The following TSNARE1 variants were observed in gnomAD, a reference collection of about 807,000 sequenced individuals.
TSNARE1 encodes the protein t-SNARE domain-containing protein 1.
In TSNARE1, 49 loss-of-function variants were observed where a neutral mutation model predicts 62.0. The ratio of observed to expected loss-of-function variants is 0.79; its 90% CI spans 0.63 to 1.00. The LOEUF is 1.00. Ranked by LOEUF, TSNARE1 falls within the 50% of genes least tolerant of loss-of-function variation. The pLI is 0.00. For missense variants in TSNARE1, 755 were observed against 700.1 expected (o/e 1.08, Z -0.88); for synonymous variants, 328 against 294.4 (o/e 1.11, Z -1.17).
chr8:142,275,754 T>C, intron 11 of TSNARE1: 8 of 985,308 alleles, frequency 8.1e-6, no homozygotes, highest in Non-Finnish European at 8.4e-6. Flanking sequence ...CTGCAGTGCC[T>C]ACCAGGGCAC....
At chr8:142,216,582 C>T (rs1319550702) in intron 13 of TSNARE1, among the ~76,000 whole-genome samples, 1 of 152,168 alleles carries the variant, frequency 6.6e-6, no homozygotes, top group Admixed American at 6.5e-5. Flanking sequence ...TGTCCCACCC[C>T]ACCCCTCCCC....
At chr8:142,305,512 G>A (rs899900546) in intron 9 of TSNARE1, among the ~76,000 whole-genome samples, 1 of 152,130 alleles carries the variant, frequency 6.6e-6, no homozygotes, top group Non-Finnish European at 1.5e-5. Context: ...AGGAGACCCC[G>A]CAGGTGCTCG....
chr8:142,308,346 G>A lies in TSNARE1; in HGVS notation c.1131+6038C>T, dbSNP rs551768948. ...TGTGCTACTGCCTTATCTTTCGCAC[G>A]TGGGTCTGTAGTCCGGCTGGAAGTG... On this transcript the variant is annotated intron_variant, in intron 9 of 13. Transcript: ENST00000524325. Among the ~76,000 whole-genome samples the A allele has an allele frequency of 5.3e-5, 8 of 152,252 alleles. No individual in the cohort carries two copies. The South Asian group carries it at 6.2e-4, about 12-fold the overall frequency.
intron 12 of TSNARE1, among the ~76,000 whole-genome samples, chr8:142,237,763 G>A (rs892835409): frequency 3.9e-5 from 6 of 152,196 alleles, no homozygotes; most frequent in East Asian, 1.9e-4. Flanking sequence ...GGGTGGATGC[G>A]GAGGGAGGGC....
chr8:142,230,892 TCATC>T (rs1014072632), intron 12 of TSNARE1, among the ~76,000 whole-genome samples: 5 of 142,398 alleles, frequency 3.5e-5, no homozygotes, highest in Non-Finnish European at 6.1e-5. Context: ...ATGAGCCCAC[TCATC>T]CATCCATCCA....
chr8:142,248,008 T>C (rs1817975287), intron 12 of TSNARE1: 1 of 152,150 alleles, frequency 6.6e-6, no homozygotes, highest in Non-Finnish European at 1.5e-5. Context: ...AATGCAAAGG[T>C]GTGAATGGCC....
chr8:142,385,606 G>C (rs1191422585), intron 1 of TSNARE1, among the ~76,000 whole-genome samples: 3 of 152,156 alleles, frequency 2.0e-5, no homozygotes, highest in African/African-American at 7.2e-5. Flanking sequence ...TTATTAGTAA[G>C]AACTGGAGTC....
At chr8:142,389,437 G>T (rs1196122414) in intron 1 of TSNARE1, among the ~76,000 whole-genome samples, 1 of 152,180 alleles carries the variant, frequency 6.6e-6, no homozygotes, top group Non-Finnish European at 1.5e-5. Flanking sequence ...TTACAAAAGT[G>T]TGTACCCTTA....
intron 2 of TSNARE1, among the ~76,000 whole-genome samples, chr8:142,354,363 C>A (rs1325198564): frequency 6.6e-6 from 1 of 152,116 alleles, no homozygotes; most frequent in Admixed American, 6.5e-5. Context: ...CCGAGCACCA[C>A]CCACCAGCAG....
chr8:142,360,592 C>A (rs1235784146), intron 1 of TSNARE1, among the ~76,000 whole-genome samples: 4 of 152,168 alleles, frequency 2.6e-5, no homozygotes, highest in Admixed American at 2.6e-4. Context: ...AGCCACCAGC[C>A]CCTCAGGCTG....
At chr8:142,214,920 C>T (rs1245055449) in intron 13 of TSNARE1, among the ~76,000 whole-genome samples, 1 of 152,204 alleles carries the variant, frequency 6.6e-6, no homozygotes, top group African/African-American at 2.4e-5. Flanking sequence ...TGGTAGAAGC[C>T]GCCTGTGGTG....
intron 13 of TSNARE1, among the ~76,000 whole-genome samples, chr8:142,229,135 GGATA>G (rs1816973967): frequency 6.6e-6 from 1 of 151,768 alleles, no homozygotes; most frequent in African/African-American, 2.4e-5. Context: ...GATGGTGGGT[GGATA>G]GATGGGTGGA....
intron 12 of TSNARE1, chr8:142,270,530 T>G (rs1177421129): frequency 4.1e-6 from 4 of 982,072 alleles, no homozygotes; most frequent in Non-Finnish European, 4.8e-6. Flanking sequence ...GAAAATTGGA[T>G]AGAAATTATT....
intron 7 of TSNARE1, among the ~76,000 whole-genome samples, chr8:142,317,090 G>A (rs1045736194): frequency 2.0e-5 from 3 of 151,788 alleles, no homozygotes; most frequent in African/African-American, 7.2e-5. Flanking sequence ...GGTATGGCCA[G>A]CGGCTCACAC....
chr8:142,331,792 T>C lies in TSNARE1; in HGVS notation c.785A>G (p.Gln262Arg). Residue 262 changes from glutamine to arginine, a missense_variant, in exon 5 of 14, where the codon CAG becomes CGG. Gln to Arg is a conservative substitution (Grantham distance 43). Transcript: ENST00000524325. ...TCGGAAGACGTTGGCCGACATCTCC[T>C]GGAACAGCTCCTGGAGGTTGCACGG... Reference protein sequence around the residue: ...VDPCNLQELFQEMSANVFRIN... With the variant: ...VDPCNLQELFREMSANVFRIN... 1 of 1,608,286 alleles carries C rather than the reference T, an allele frequency of 6.2e-7. No individual in the cohort carries two copies. The highest frequency in any genetic ancestry group is 8.5e-7 in the Non-Finnish European group (1 of 1,177,494).
At chr8:142,254,448 C>T (rs1339045395) in intron 12 of TSNARE1, among the ~76,000 whole-genome samples, 2 of 152,210 alleles carry the variant, frequency 1.3e-5, no homozygotes, top group African/African-American at 2.4e-5. Context: ...GACAGAAATG[C>T]TTCCTGAGTT....
intron 11 of TSNARE1, chr8:142,280,024 TC>T (rs1821151944): frequency 2.5e-6 from 3 of 1,219,902 alleles, no homozygotes; most frequent in Non-Finnish European, 3.1e-6. Context: ...GTGCTTGAGG[TC>T]CCCCAGGTCG....
chr8:142,256,858 A>G (rs1818613776), intron 12 of TSNARE1, among the ~76,000 whole-genome samples: 1 of 152,148 alleles, frequency 6.6e-6, no homozygotes, highest in Non-Finnish European at 1.5e-5. Flanking sequence ...ACTCAGCACA[A>G]TTTCTGAAGC....
intron 1 of TSNARE1, among the ~76,000 whole-genome samples, chr8:142,391,526 G>A (rs1242628782): frequency 2.0e-5 from 3 of 152,228 alleles, no homozygotes; most frequent in Non-Finnish European, 4.4e-5. Context: ...TCTTCAGCAA[G>A]CCCAGACCTA....
Sources: allele counts gnomAD v4.1 joint callset (sites outside exome capture counted in the v4.1 genomes callset), GRCh38; gene constraint gnomAD v4.1.1; transcripts MANE v1.5; gene names NCBI Gene and HGNC (gene_info 2026-07-23, HGNC 2026-07-21).